The following RSRC1 variants were observed in gnomAD, a reference collection of about 807,000 sequenced individuals.
RSRC1 encodes arginine and serine rich coiled-coil 1, also known as serine/Arginine-related protein 53.
RSRC1 carries 39 observed loss-of-function variants against 49.1 expected under a neutral mutation model. That is an observed-to-expected ratio of 0.79 (90% CI 0.61 to 1.04). The LOEUF (loss-of-function observed/expected upper bound fraction) is 1.04. RSRC1 is among the 50% of genes least tolerant of loss of function. The probability of loss-of-function intolerance (pLI) is 0.00; values close to 1 mark genes in which losing one functional copy is unlikely to be tolerated. For synonymous variants in RSRC1, 143 were observed against 130.8 expected, an observed-to-expected ratio of 1.09 and a Z score of -0.63; for missense variants, 388 against 402.4, an observed-to-expected ratio of 0.96 and a Z score of 0.31.
intron 4 of RSRC1, among the ~76,000 whole-genome samples, chr3:158,251,720 G>A (rs1724217128): frequency 6.6e-6 from 1 of 152,128 alleles, no homozygotes; most frequent in Admixed American, 6.5e-5. Flanking sequence ...TTTTGGTGGA[G>A]TCTTTAGGTT....
At chr3:158,283,360 CAATT>C (rs1406914564) in intron 4 of RSRC1, among the ~76,000 whole-genome samples, 1 of 151,420 alleles carries the variant, frequency 6.6e-6, no homozygotes, top group Non-Finnish European at 1.5e-5. Flanking sequence ...AACATATAAA[CAATT>C]AGAATGAACA....
chr3:158,139,554 T>G (rs1349278916), intron 3 of RSRC1, among the ~76,000 whole-genome samples: 1 of 152,210 alleles, frequency 6.6e-6, no homozygotes, highest in African/African-American at 2.4e-5. Flanking sequence ...ACTTCTTGTG[T>G]GTGTTTAATA....
At chr3:158,242,066 G>A (rs773961625) in intron 4 of RSRC1, among the ~76,000 whole-genome samples, 2 of 80,880 alleles carry the variant, frequency 2.5e-5, no homozygotes, top group Non-Finnish European at 4.5e-5. Flanking sequence ...TTTAGTTTAG[G>A]GGTACATATG....
At chr3:158,313,891 T>G (rs1728257254) in intron 5 of RSRC1, among the ~76,000 whole-genome samples, 1 of 152,246 alleles carries the variant, frequency 6.6e-6, no homozygotes. Flanking sequence ...ATTAGTACTT[T>G]GTGATTTAGA....
intron 7 of RSRC1, among the ~76,000 whole-genome samples, chr3:158,509,323 T>A (rs1288765197): frequency 6.6e-6 from 1 of 152,158 alleles, no homozygotes; most frequent in Non-Finnish European, 1.5e-5. Flanking sequence ...GTAAAGGGCA[T>A]AAAGAATAAC....
intron 6 of RSRC1, among the ~76,000 whole-genome samples, chr3:158,417,271 C>T (rs952574229): frequency 2.0e-5 from 3 of 152,064 alleles, no homozygotes; most frequent in African/African-American, 2.4e-5. Flanking sequence ...ATAATATCAA[C>T]GTAGGTATAA....
At chr3:158,476,203 T>C (rs540045309) in intron 7 of RSRC1, among the ~76,000 whole-genome samples, 3 of 152,132 alleles carry the variant, frequency 2.0e-5, no homozygotes, top group Non-Finnish European at 4.4e-5. Flanking sequence ...GAAGAAAAAT[T>C]TGAAGCTAGC....
At chr3:158,315,381 G>T (rs1728373119) in intron 5 of RSRC1, among the ~76,000 whole-genome samples, 1 of 152,008 alleles carries the variant, frequency 6.6e-6, no homozygotes. Flanking sequence ...TAATTTTTTG[G>T]ATCTCACTTA....
At chr3:158,221,774 C>A (rs891878635) in intron 4 of RSRC1, among the ~76,000 whole-genome samples, 10 of 151,486 alleles carry the variant, frequency 6.6e-5, no homozygotes, top group African/African-American at 2.4e-4. Context: ...GGGAAGCCTA[C>A]TTTTCATCAA....
chr3:158,424,130 T>C (rs1242286091), intron 6 of RSRC1, among the ~76,000 whole-genome samples: 3 of 152,110 alleles, frequency 2.0e-5, no homozygotes, highest in African/African-American at 4.8e-5. Context: ...GTAGGAGTGG[T>C]GAGAGAGGGC....
At position 158,122,128 on chromosome 3, in the gene RSRC1, T is replaced by C. The variant is rs1715296817; in HGVS notation, c.24T>C (p.Thr8=). The change falls in exon 2 of 10, where the codon ACT becomes ACC. Residue 8 remains threonine, a synonymous_variant. Coordinates refer to ENST00000611884, the MANE Select transcript of RSRC1 (RefSeq NM_001271838.2). ...AAATGGGACGTCGGTCATCAGATAC[T>C]GAAGAAGAAAGCAGAAGCAAGAGAA... MGRRSSD[T]EEESRSKRKK... 1 of 1,541,848 alleles carries C rather than the reference T, an allele frequency of 6.5e-7. No homozygotes were observed. The highest frequency in any genetic ancestry group is 2.4e-5 in the East Asian group (1 of 41,212).
intron 7 of RSRC1, among the ~76,000 whole-genome samples, chr3:158,522,815 G>C (rs952296049): frequency 1.3e-5 from 2 of 151,982 alleles, no homozygotes; most frequent in Non-Finnish European, 2.9e-5. Context: ...TAAAGTCCCT[G>C]AAAAGTTGCC....
intron 4 of RSRC1, among the ~76,000 whole-genome samples, chr3:158,246,430 AT>A (rs1578239608): frequency 6.6e-6 from 1 of 151,818 alleles, no homozygotes; most frequent in East Asian, 1.9e-4. Flanking sequence ...TTATGTGTAG[AT>A]TTAATCCTGT....
Position 158,544,414 on chromosome 3 carries a change from A to T in RSRC1, c.*139A>T. On this transcript the variant is annotated 3_prime_UTR_variant, in exon 10 of 10. Coordinates refer to ENST00000611884, the MANE Select transcript of RSRC1 (RefSeq NM_001271838.2). The stretch of plus-strand genomic sequence containing the variant: ...GGTAGTCTCATTTCATTTGTCTCTC[A>T]TGTAGGCTTGAATATTTGTTAATTT... 6.3e-6 allele frequency: 3 copies of T among 474,786 alleles called. No homozygotes were observed. The South Asian group carries it at 1.3e-4, about 20-fold the overall frequency. The allele number at this position is 474,786 out of a possible 1,614,324, so 29.4% of individuals were successfully genotyped here. A position where few individuals can be genotyped will look rare whatever the true frequency, so the allele number is the denominator to read the frequency against.
At chr3:158,520,446 T>C (rs1355236457) in intron 7 of RSRC1, among the ~76,000 whole-genome samples, 1 of 152,204 alleles carries the variant, frequency 6.6e-6, no homozygotes, top group East Asian at 1.9e-4. Context: ...CTTGGCTTTT[T>C]GAATGTGTTT....
chr3:158,376,604 T>G (rs1732389952), intron 6 of RSRC1, among the ~76,000 whole-genome samples: 1 of 152,176 alleles, frequency 6.6e-6, no homozygotes, highest in South Asian at 2.1e-4. Context: ...GGCTGGAAAC[T>G]CAAAGCAGTA....
intron 7 of RSRC1, among the ~76,000 whole-genome samples, chr3:158,488,840 A>G (rs144398078): frequency 1.9e-4 from 29 of 152,324 alleles, no homozygotes; most frequent in African/African-American, 3.4e-4. Flanking sequence ...ACATTAGTCT[A>G]TTTGGCTCTA....
chr3:158,351,279 A>T (rs2108232579), intron 5 of RSRC1, among the ~76,000 whole-genome samples: 1 of 152,342 alleles, frequency 6.6e-6, no homozygotes, highest in East Asian at 1.9e-4. Flanking sequence ...GAGGAAAAAG[A>T]CGACAGCCCA....
chr3:158,383,064 C>T (rs900345804), intron 6 of RSRC1, among the ~76,000 whole-genome samples: 1 of 152,114 alleles, frequency 6.6e-6, no homozygotes, highest in African/African-American at 2.4e-5. Flanking sequence ...ATTTGACCTA[C>T]TAATTTCTGA....
Sources: allele counts gnomAD v4.1 joint callset (sites outside exome capture counted in the v4.1 genomes callset), GRCh38; gene constraint gnomAD v4.1.1; transcripts MANE v1.5; gene names NCBI Gene and HGNC (gene_info 2026-07-23, HGNC 2026-07-21).